SLC45A2: variants seen among roughly 807,000 people sequenced by gnomAD.
SLC45A2 encodes membrane-associated transporter protein.
Under a neutral mutation model 45.5 loss-of-function variants are expected in SLC45A2, and 36 were observed. That is an observed-to-expected ratio of 0.79 (90% CI 0.61 to 1.04). The LOEUF (loss-of-function observed/expected upper bound fraction) is 1.04, where lower values mean the gene tolerates loss of function less well. SLC45A2 is among the 50% of genes least tolerant of loss of function. The pLI is 0.00. For synonymous variants in SLC45A2, 306 were observed against 269.3 expected (o/e 1.14, Z -1.33); for missense variants, 719 against 671.0 (o/e 1.07, Z -0.79).
chr5:33,963,626 A>AAAC lies in SLC45A2; in HGVS notation c.888+62_888+64dup, dbSNP rs71804644. ...AAACAGACAAAACAAACAATTAAAA[A>AAAC]AACAACAACAACAACAAAGAGCAAG... On this transcript the variant is annotated intron_variant, in intron 3 of 6. Coordinates refer to ENST00000296589, the MANE Select transcript of SLC45A2 (RefSeq NM_016180.5). The AAAC allele has an allele frequency of 5.2e-6, 8 of 1,546,244 alleles. No homozygotes were observed. In the South Asian group the frequency reaches 5.6e-5, roughly 11 times the overall value.
intron 4 of SLC45A2, 107 bp from the exon 5 acceptor site, chr5:33,951,784 G>A: frequency 7.1e-7 from 1 of 1,405,910 alleles, no homozygotes; most frequent in Non-Finnish European, 1.0e-6. Flanking sequence ...CTGCCTGAGG[G>A]ACCCTTTCTA....
At chr5:33,960,805 A>C (rs1752433002) in intron 3 of SLC45A2, among the ~76,000 whole-genome samples, 1 of 152,162 alleles carries the variant, frequency 6.6e-6, no homozygotes, top group South Asian at 2.1e-4. Context: ...AACTGGTGAA[A>C]TTCAAATAAG....
At chr5:33,982,089 G>A (rs1753091791) in intron 2 of SLC45A2, 147 bp downstream of exon 2, 5 of 860,620 alleles carry the variant, frequency 5.8e-6, no homozygotes, top group South Asian at 1.4e-5. Flanking sequence ...AGAAATGCAC[G>A]GGGAGACAGT....
At chr5:33,969,208 G>A (rs1414051627) in intron 2 of SLC45A2, among the ~76,000 whole-genome samples, 2 of 151,382 alleles carry the variant, frequency 1.3e-5, no homozygotes, top group Admixed American at 1.3e-4. Flanking sequence ...CATGACCTCT[G>A]CCCTCTTGGA....
intron 5 of SLC45A2, among the ~76,000 whole-genome samples, chr5:33,949,989 ACCAGCCTGGGC>A (rs1324047574): frequency 1.3e-5 from 2 of 152,014 alleles, no homozygotes; most frequent in African/African-American, 4.8e-5. Flanking sequence ...GGAGATCGAG[ACCAGCCTGGGC>A]AATGTAGGGA....
At chr5:33,947,484 C>G in intron 5 of SLC45A2, 110 bp from the exon 6 acceptor site, 1 of 1,047,940 alleles carries the variant, frequency 9.5e-7, no homozygotes, top group Non-Finnish European at 1.4e-6. Flanking sequence ...TCCTTTGATA[C>G]TGAGCCAGGA....
intron 6 of SLC45A2, among the ~76,000 whole-genome samples, chr5:33,945,541 G>A (rs1165939453): frequency 1.4e-5 from 2 of 147,600 alleles, no homozygotes; most frequent in African/African-American, 4.9e-5. Flanking sequence ...GCTGGGCCTG[G>A]GTTTTTTTTT....
chr5:33,963,797 G>A lies in SLC45A2; in HGVS notation c.782C>T (p.Ser261Leu), dbSNP rs757626618. 6.2e-7 allele frequency: 1 copy of A among 1,614,118 alleles called. No individual in the cohort carries two copies. The highest frequency in any genetic ancestry group is 1.7e-5 in the Admixed American group (1 of 60,022). ...ACCATACTCGTACATTCCATCTGAT[G>A]ACAATGGAGGGTCCTGAGGGGTTTG... Reference protein sequence around the residue: ...PQQTPQDPPLSSDGMYEYGSI... With the variant: ...PQQTPQDPPLLSDGMYEYGSI... Residue 261 changes from serine to leucine, a missense_variant, in exon 3 of 7, where the codon TCA (serine) becomes TTA (leucine). Transcript: ENST00000296589.
chr5:33,979,646 G>C (rs1033995368), intron 2 of SLC45A2, among the ~76,000 whole-genome samples: 15 of 152,036 alleles, frequency 9.9e-5, no homozygotes, highest in African/African-American at 3.4e-4. Context: ...ATGTTATCAT[G>C]TTAATACCTA....
intron 5 of SLC45A2, 96 bp downstream of exon 5, chr5:33,951,458 T>C (rs1044562474): frequency 6.2e-7 from 1 of 1,606,682 alleles, no homozygotes; most frequent in Non-Finnish European, 8.5e-7. Context: ...GAATCTGGTA[T>C]TTTAAACAGT....
chr5:33,984,636 A>G lies in SLC45A2; in HGVS notation c.-53T>C. On this transcript the variant is annotated 5_prime_UTR_variant, in exon 1 of 7. Transcript: ENST00000296589. ...AGCCCACCACCTCCTGCGTGGTCCT[A>G]GGGTCTGTGTTTCAAACTGGATTTG... The G allele has an allele frequency of 1.2e-6, 2 of 1,600,148 alleles. No individual in the cohort carries two copies. Among genetic ancestry groups the G allele is most frequent in the Non-Finnish European group, 1.7e-6 (2 of 1,179,218 alleles).
At chr5:33,979,940 G>A (rs6414862) in intron 2 of SLC45A2, among the ~76,000 whole-genome samples, 113,348 of 152,118 alleles carry the variant, frequency 0.75, 42,891 homozygotes, top group East Asian at 0.96. Context: ...GTCTTTTAAT[G>A]TCAAGGCAGC....
At chr5:33,982,813 A>G (rs1387269043) in intron 1 of SLC45A2, among the ~76,000 whole-genome samples, 1 of 152,212 alleles carries the variant, frequency 6.6e-6, no homozygotes, top group African/African-American at 2.4e-5. Flanking sequence ...CTCCTTAAAT[A>G]AAAAAGTATG....
At chr5:33,971,334 G>C in intron 2 of SLC45A2, 1 of 512,430 alleles carries the variant, frequency 2.0e-6, no homozygotes, top group South Asian at 1.4e-5. Context: ...CCAACTTGTA[G>C]GAATAATACC....
At chr5:33,948,046 C>T (rs1221956401) in intron 5 of SLC45A2, among the ~76,000 whole-genome samples, 7 of 152,208 alleles carry the variant, frequency 4.6e-5, no homozygotes, top group African/African-American at 1.7e-4. Flanking sequence ...TCTCAAAACC[C>T]CAGCTTCCTC....
chr5:33,951,736 A>C, intron 4 of SLC45A2, 59 bp from the exon 5 acceptor site: 16 of 1,607,870 alleles, frequency 1.0e-5, no homozygotes, highest in East Asian at 2.2e-5. Flanking sequence ...AACCCTTCTC[A>C]TGCACTCTGC....
chr5:33,982,192 T>C (rs1444245126), intron 2 of SLC45A2, 44 bp downstream of exon 2: 16 of 1,608,896 alleles, frequency 9.9e-6, no homozygotes, highest in Non-Finnish European at 1.3e-5. Context: ...AAGTGCCTCA[T>C]TGTCTGGGGA....
At chr5:33,963,039 T>A (rs1446344520) in intron 3 of SLC45A2, among the ~76,000 whole-genome samples, 1 of 152,244 alleles carries the variant, frequency 6.6e-6, no homozygotes, top group Non-Finnish European at 1.5e-5. Context: ...CCTTTGAGCA[T>A]TTGAAATGTA....
chr5:33,967,325 T>C (rs1752629189), intron 2 of SLC45A2, among the ~76,000 whole-genome samples: 1 of 152,220 alleles, frequency 6.6e-6, no homozygotes, highest in South Asian at 2.1e-4. Context: ...AAATTGCAAC[T>C]GCTTGACTTT....
Sources: allele counts gnomAD v4.1 joint callset (sites outside exome capture counted in the v4.1 genomes callset), GRCh38; gene constraint gnomAD v4.1.1; transcripts MANE v1.5; gene names NCBI Gene and HGNC (gene_info 2026-07-23, HGNC 2026-07-21).